Variants in UVRAG observed in about 807,000 individuals in gnomAD.
The protein encoded by UVRAG is UV radiation resistance-associated gene protein.
A neutral mutation model predicts 78.0 loss-of-function variants in UVRAG; 19 were observed. That is an observed-to-expected ratio of 0.24 (90% confidence interval 0.17 to 0.36). UVRAG has a LOEUF of 0.36. UVRAG is among the 10% of genes least tolerant of loss of function. The pLI is 1.00. For synonymous variants in UVRAG, 323 were observed against 324.6 expected, an observed-to-expected ratio of 1.00 and a Z score of 0.05; for missense variants, 740 against 853.8, an observed-to-expected ratio of 0.87 and a Z score of 1.66.
At chr11:75,848,977 G>A (rs1946093482) in intron 1 of UVRAG, among the ~76,000 whole-genome samples, 1 of 152,184 alleles carries the variant, frequency 6.6e-6, no homozygotes, top group Non-Finnish European at 1.5e-5. Flanking sequence ...TCAGGAGTTC[G>A]AGACCAGCCT....
chr11:76,117,965 A>G (rs1335046738), intron 14 of UVRAG, among the ~76,000 whole-genome samples: 2 of 152,308 alleles, frequency 1.3e-5, no homozygotes, highest in East Asian at 3.9e-4. Context: ...CTGTTAGGGA[A>G]ATATCTGTTA....
intron 13 of UVRAG, among the ~76,000 whole-genome samples, chr11:76,101,157 T>C (rs559256822): frequency 6.8e-4 from 103 of 152,316 alleles, no homozygotes; most frequent in African/African-American, 2.4e-3. Context: ...ATGGTACTTT[T>C]GTTTTTAGCT....
intron 6 of UVRAG, among the ~76,000 whole-genome samples, chr11:75,945,599 A>G (rs1006769164): frequency 6.6e-6 from 1 of 151,974 alleles, no homozygotes; most frequent in African/African-American, 2.4e-5. Context: ...CATACATGAC[A>G]TCTCGTGGTC....
chr11:76,013,745 C>T (rs1950095556), intron 11 of UVRAG, among the ~76,000 whole-genome samples: 1 of 152,206 alleles, frequency 6.6e-6, no homozygotes. Flanking sequence ...ATTCAGTGGT[C>T]TTGGGGTGAT....
intron 12 of UVRAG, among the ~76,000 whole-genome samples, chr11:76,065,492 C>G (rs1451256882): frequency 1.3e-5 from 2 of 152,204 alleles, no homozygotes; most frequent in African/African-American, 4.8e-5. Context: ...GTTCCTTGTT[C>G]TGTGACCTGT....
At chr11:76,124,478 T>A (rs1406637530) in intron 14 of UVRAG, among the ~76,000 whole-genome samples, 1 of 152,154 alleles carries the variant, frequency 6.6e-6, no homozygotes, top group African/African-American at 2.4e-5. Context: ...TGTAGTCTGC[T>A]ACAATGATGG....
intron 4 of UVRAG, 128 bp downstream of exon 4, chr11:75,880,168 A>G (rs1946904815): frequency 1.0e-6 from 1 of 1,000,606 alleles, no homozygotes; most frequent in East Asian, 2.5e-5. Context: ...TACTTATATC[A>G]CTAAGAGAGA....
intron 8 of UVRAG, among the ~76,000 whole-genome samples, chr11:75,993,536 A>G (rs1949651794): frequency 6.6e-6 from 1 of 152,198 alleles, no homozygotes; most frequent in Non-Finnish European, 1.5e-5. Flanking sequence ...TAATCTTCCC[A>G]TTAATGAATT....
intron 6 of UVRAG, among the ~76,000 whole-genome samples, chr11:75,934,471 T>A (rs537581598): frequency 1.1e-3 from 169 of 152,232 alleles, no homozygotes; most frequent in African/African-American, 3.9e-3. Flanking sequence ...GTAAAAAAAA[T>A]TTAATTCTAC....
chr11:75,978,798 T>C (rs1247978785), intron 7 of UVRAG, among the ~76,000 whole-genome samples: 2 of 152,226 alleles, frequency 1.3e-5, no homozygotes, highest in African/African-American at 4.8e-5. Flanking sequence ...TTAGCTTCTT[T>C]GAGATGGGTT....
rs373506908 is a variant in UVRAG at position 75,944,627 on chromosome 11, T to A, written c.594-16817T>A. Among the ~76,000 whole-genome samples, 103 of 152,270 alleles carry A rather than the reference T, an allele frequency of 6.8e-4. 1 individual carries two copies. The highest frequency in any genetic ancestry group is 2.4e-3 in the African/African-American group (101 of 41,554). On this transcript the variant is annotated intron_variant, in intron 6 of 14. Transcript: ENST00000356136. ...ATCAAGGGAGACATGGTTTTTCCTC[T>A]TGAGAATACCACAATCTAAGCCTTT...
At chr11:75,815,741 A>C (rs560059070) in intron 1 of UVRAG, among the ~76,000 whole-genome samples, 95 of 152,068 alleles carry the variant, frequency 6.2e-4, no homozygotes, top group Non-Finnish European at 1.1e-3. Flanking sequence ...ATCCCGTTAC[A>C]GGAGATGGGC....
chr11:75,980,371 G>T (rs1949365626), intron 7 of UVRAG, among the ~76,000 whole-genome samples: 2 of 152,052 alleles, frequency 1.3e-5, no homozygotes, highest in South Asian at 4.2e-4. Context: ...TCACTGTATT[G>T]CCTAGGCTAG....
At chr11:76,055,316 G>A (rs1239536303) in intron 12 of UVRAG, among the ~76,000 whole-genome samples, 5 of 152,184 alleles carry the variant, frequency 3.3e-5, no homozygotes, top group Non-Finnish European at 7.3e-5. Context: ...CCAAAGTGCT[G>A]AGATTATAGG....
chr11:76,009,151 C>A (rs1249168861), intron 11 of UVRAG, among the ~76,000 whole-genome samples: 2 of 151,982 alleles, frequency 1.3e-5, no homozygotes, highest in African/African-American at 4.8e-5. Flanking sequence ...AAATAATCGC[C>A]CTTCCTTTTG....
chr11:76,018,489 A>C (rs1247836230), intron 12 of UVRAG, among the ~76,000 whole-genome samples: 2 of 152,096 alleles, frequency 1.3e-5, no homozygotes, highest in African/African-American at 4.8e-5. Flanking sequence ...GGCTCACTGC[A>C]ACCTCCACCT....
chr11:76,128,424 C>G (rs1952452263), intron 14 of UVRAG, among the ~76,000 whole-genome samples: 1 of 152,176 alleles, frequency 6.6e-6, no homozygotes, highest in African/African-American at 2.4e-5. Context: ...TTGGGGGCCA[C>G]TGCTTTAGCA....
At chr11:75,910,998 G>T (rs1018974142) in intron 5 of UVRAG, among the ~76,000 whole-genome samples, 1 of 152,154 alleles carries the variant, frequency 6.6e-6, no homozygotes, top group Admixed American at 6.5e-5. Context: ...TTCCTTGGGA[G>T]GTTCACCACA....
intron 12 of UVRAG, among the ~76,000 whole-genome samples, chr11:76,020,543 G>A (rs1405108246): frequency 3.9e-5 from 6 of 151,900 alleles, no homozygotes; most frequent in Non-Finnish European, 8.8e-5. Context: ...CTAGGGCCTG[G>A]AATGGGGGCC....
Sources: gnomAD v4.1 joint callset for allele counts (sites outside exome capture counted in the v4.1 genomes callset) on GRCh38, gnomAD v4.1.1 for gene constraint, MANE v1.5 for transcripts, NCBI Gene and HGNC (gene_info 2026-07-23, HGNC 2026-07-21) for gene names.